DSCAM: variants seen among roughly 807,000 people sequenced by gnomAD.
The protein encoded by DSCAM is cell adhesion molecule DSCAM.
A neutral mutation model predicts 217.7 loss-of-function variants in DSCAM; 47 were observed. That is an observed-to-expected ratio of 0.22 (90% confidence interval 0.17 to 0.28). The LOEUF (loss-of-function observed/expected upper bound fraction) is 0.28, where lower values mean the gene tolerates loss of function less well. DSCAM is among the 10% of genes least tolerant of loss of function. DSCAM has a pLI of 1.00. For missense variants in DSCAM, 2,080 were observed against 2,618.3 expected (o/e 0.79, Z 4.49); for synonymous variants, 1,056 against 1,015.3 (o/e 1.04, Z -0.76).
intron 11 of DSCAM, among the ~76,000 whole-genome samples, chr21:40,190,641 T>C (rs2090944142): frequency 6.6e-6 from 1 of 152,224 alleles, no homozygotes; most frequent in Admixed American, 6.5e-5. Context: ...AAATTCATGC[T>C]AAAGCTTTAA....
chr21:40,142,476 T>C, intron 18 of DSCAM, 82 bp downstream of exon 18: 1 of 1,519,576 alleles, frequency 6.6e-7, no homozygotes, highest in Non-Finnish European at 9.0e-7. Flanking sequence ...CCTGAGCCCC[T>C]TGTTAGGAAC....
intron 3 of DSCAM, among the ~76,000 whole-genome samples, chr21:40,493,252 G>C (rs771368268): frequency 1.3e-5 from 2 of 152,012 alleles, no homozygotes; most frequent in Non-Finnish European, 2.9e-5. Context: ...AGAAATAAAG[G>C]AAGAATAAAA....
At chr21:40,407,359 C>T (rs1265316794) in intron 3 of DSCAM, among the ~76,000 whole-genome samples, 4 of 152,140 alleles carry the variant, frequency 2.6e-5, no homozygotes, top group Non-Finnish European at 2.9e-5. Flanking sequence ...TGTCAACAAC[C>T]CATTTGTGAG....
chr21:40,503,645 A>G (rs73362954), intron 3 of DSCAM, among the ~76,000 whole-genome samples: 2,732 of 152,316 alleles, frequency 0.018, 74 homozygotes, highest in African/African-American at 0.057. Flanking sequence ...ACTCTCAAAC[A>G]AAAATACACT....
At chr21:40,301,696 A>G (rs1044083163) in intron 9 of DSCAM, among the ~76,000 whole-genome samples, 2 of 127,822 alleles carry the variant, frequency 1.6e-5, no homozygotes, top group African/African-American at 7.9e-5. Flanking sequence ...CTCACAGGCC[A>G]TGGCATGCCC....
chr21:40,402,353 G>T (rs1458909585), intron 3 of DSCAM, among the ~76,000 whole-genome samples: 2 of 151,624 alleles, frequency 1.3e-5, no homozygotes, highest in African/African-American at 4.8e-5. Flanking sequence ...ACAGGCTCGA[G>T]CCACCACGCC....
intron 3 of DSCAM, among the ~76,000 whole-genome samples, chr21:40,581,039 T>C (rs755912146): frequency 2.6e-5 from 4 of 152,186 alleles, no homozygotes; most frequent in Non-Finnish European, 4.4e-5. Flanking sequence ...CTGTGTTTTG[T>C]TTTTAAAAAG....
chr21:40,788,573 A>G (rs1394050117), intron 1 of DSCAM, among the ~76,000 whole-genome samples: 2 of 152,062 alleles, frequency 1.3e-5, no homozygotes, highest in East Asian at 3.9e-4. Context: ...TCTTATCTCC[A>G]ACTTCCCCGG....
intron 3 of DSCAM, among the ~76,000 whole-genome samples, chr21:40,657,003 C>G (rs1240915743): frequency 6.6e-6 from 1 of 152,162 alleles, no homozygotes; most frequent in African/African-American, 2.4e-5. Flanking sequence ...GTATGTCTAT[C>G]AAAAATATTT....
chr21:40,305,309 G>A (rs2074060237), intron 9 of DSCAM, among the ~76,000 whole-genome samples: 1 of 148,350 alleles, frequency 6.7e-6, no homozygotes, highest in African/African-American at 2.5e-5. Flanking sequence ...AGAATGGTGT[G>A]AACCCGGAAG....
chr21:40,708,852 G>A (rs2090746131), intron 1 of DSCAM, 81 bp from the exon 2 acceptor site: 1 of 1,077,174 alleles, frequency 9.3e-7, no homozygotes, highest in Admixed American at 3.0e-5. Flanking sequence ...GCCTCAGAAA[G>A]TTATCCTGAA....
chr21:40,449,178 T>C (rs1444858128), intron 3 of DSCAM, among the ~76,000 whole-genome samples: 1 of 152,160 alleles, frequency 6.6e-6, no homozygotes, highest in Non-Finnish European at 1.5e-5. Context: ...TGCATATGAT[T>C]AGTTTGGGCC....
intron 3 of DSCAM, among the ~76,000 whole-genome samples, chr21:40,648,926 A>G (rs2089982210): frequency 1.3e-5 from 2 of 152,288 alleles, no homozygotes; most frequent in African/African-American, 4.8e-5. Flanking sequence ...ACTGCCAAAC[A>G]TGGGTACAAG....
intron 1 of DSCAM, among the ~76,000 whole-genome samples, chr21:40,762,482 A>G (rs1010948599): frequency 6.6e-6 from 1 of 152,200 alleles, no homozygotes; most frequent in Non-Finnish European, 1.5e-5. Context: ...TAGTCTACCA[A>G]CCAAAAAAGC....
At chr21:40,738,273 C>T (rs2091084729) in intron 1 of DSCAM, among the ~76,000 whole-genome samples, 1 of 152,214 alleles carries the variant, frequency 6.6e-6, no homozygotes, top group Non-Finnish European at 1.5e-5. Context: ...GCAGGTAGAC[C>T]ATGCCAATGC....
At chr21:40,785,017 A>G (rs1214819209) in intron 1 of DSCAM, among the ~76,000 whole-genome samples, 1 of 152,256 alleles carries the variant, frequency 6.6e-6, no homozygotes. Flanking sequence ...TAATTCATAA[A>G]GTCTAAATGC....
intron 3 of DSCAM, among the ~76,000 whole-genome samples, chr21:40,552,318 A>T (rs1016701785): frequency 6.6e-6 from 1 of 152,122 alleles, no homozygotes; most frequent in African/African-American, 2.4e-5. Flanking sequence ...CGTCTCAAAA[A>T]AAAAAAGAGT....
chr21:40,269,715 C>A (rs1601503315), intron 11 of DSCAM, among the ~76,000 whole-genome samples: 1 of 152,194 alleles, frequency 6.6e-6, no homozygotes, highest in Non-Finnish European at 1.5e-5. Flanking sequence ...GGCAGCATAA[C>A]TCCAATCTCT....
At chr21:40,017,695 G>A (rs1266100098) in intron 32 of DSCAM, among the ~76,000 whole-genome samples, 4 of 152,002 alleles carry the variant, frequency 2.6e-5, no homozygotes, top group Admixed American at 1.3e-4. Flanking sequence ...GGGATTACAG[G>A]CATGCACCAC....
Sources: allele counts gnomAD v4.1 joint callset (sites outside exome capture counted in the v4.1 genomes callset), GRCh38; gene constraint gnomAD v4.1.1; transcripts MANE v1.5; gene names NCBI Gene and HGNC (gene_info 2026-07-23, HGNC 2026-07-21).